WDPCP: variants seen among roughly 807,000 people sequenced by gnomAD.
WDPCP encodes WD repeat containing planar cell polarity effector, also known as WD repeat-containing and planar cell polarity effector protein fritz homolog.
In WDPCP, 71 loss-of-function variants were observed where a neutral mutation model predicts 93.1. The ratio of observed to expected loss-of-function variants is 0.76; its 90% CI spans 0.63 to 0.93. The LOEUF is 0.93. Ranked by LOEUF, WDPCP falls within the 40% of genes least tolerant of loss-of-function variation. The pLI, the probability that WDPCP is intolerant of heterozygous loss-of-function variation, is 0.00. For synonymous variants in WDPCP, 315 were observed against 315.0 expected, an observed-to-expected ratio of 1.00 and a Z score of 0.00; for missense variants, 844 against 887.4, an observed-to-expected ratio of 0.95 and a Z score of 0.62.
At chr2:63,324,829 G>A (rs1687405361) in intron 12 of WDPCP, among the ~76,000 whole-genome samples, 1 of 152,162 alleles carries the variant, frequency 6.6e-6, no homozygotes, top group Admixed American at 6.5e-5. Context: ...GTTCTAGAAG[G>A]ACTAAGGAGA....
At chr2:63,389,338 TAAAC>T (rs1693018211) in intron 10 of WDPCP, among the ~76,000 whole-genome samples, 1 of 152,064 alleles carries the variant, frequency 6.6e-6, no homozygotes, top group South Asian at 2.1e-4. Context: ...CCTTTACAGA[TAAAC>T]AAATGCTGAG....
chr2:63,404,365 A>AGCAC lies in WDPCP; in HGVS notation c.1117_1118insGTGC (p.Leu373CysfsTer6). On this transcript the variant is annotated frameshift_variant, in exon 10 of 18. Coordinates refer to ENST00000272321, the MANE Select transcript of WDPCP (RefSeq NM_015910.7). LOFTEE classifies it high-confidence loss of function. The stretch of plus-strand genomic sequence containing the variant: ...TGAAGGCAAAAGTTCAGTCTGTGCT[A>AGCAC]AGAGAGTCACTCTACGGTGAGTTTC... 1 of 1,614,196 alleles carries AGCAC rather than the reference A, an allele frequency of 6.2e-7. No homozygotes were observed. Among genetic ancestry groups the AGCAC allele is most frequent in the Non-Finnish European group, 8.5e-7 (1 of 1,180,022 alleles).
At chr2:63,569,841 A>G (rs1707351792) in intron 1 of WDPCP, among the ~76,000 whole-genome samples, 1 of 152,230 alleles carries the variant, frequency 6.6e-6, no homozygotes, top group African/African-American at 2.4e-5. Context: ...AGAAAGGACT[A>G]TCTGACTATA....
At chr2:63,253,122 G>A (rs147523935) in intron 14 of WDPCP, among the ~76,000 whole-genome samples, 1 of 152,030 alleles carries the variant, frequency 6.6e-6, no homozygotes, top group East Asian at 1.9e-4. Flanking sequence ...ACATCTACAG[G>A]CATCTGATCT....
At chr2:63,796,810 T>A (rs1670624377) in intron 2 of WDPCP, among the ~76,000 whole-genome samples, 1 of 152,172 alleles carries the variant, frequency 6.6e-6, no homozygotes, top group South Asian at 2.1e-4. Flanking sequence ...CGTGTTGTGC[T>A]GGGCTTGGAG....
intron 14 of WDPCP, among the ~76,000 whole-genome samples, chr2:63,212,646 T>C (rs1676928223): frequency 6.6e-6 from 1 of 152,086 alleles, no homozygotes. Flanking sequence ...ATGGACTAAA[T>C]GCCCCAATTA....
intron 12 of WDPCP, among the ~76,000 whole-genome samples, chr2:63,341,088 A>T (rs1041569593): frequency 1.3e-5 from 2 of 152,104 alleles, no homozygotes; most frequent in African/African-American, 4.8e-5. Flanking sequence ...TTCTACTCTG[A>T]CAGAAACTGT....
At position 63,745,497 on chromosome 2, in the gene WDPCP, G is replaced by T. The variant is rs76373419; in HGVS notation, n.308+68125C>A. Among the ~76,000 whole-genome samples the T allele has an allele frequency of 7.2e-3, 1,091 of 152,282 alleles. 7 individuals carry two copies. The highest frequency in any genetic ancestry group is 0.014 in the Middle Eastern group (4 of 294). On this transcript the variant is annotated intron_variant and non_coding_transcript_variant, in intron 2 of 4. Coordinates refer to the WDPCP transcript ENST00000467687. ...CATTCATAGTTTAGAACTCATAGTTGTTGGTTTTAGATATTTTTAATTAGA... is the reference window on the plus strand; with the variant it reads ...CATTCATAGTTTAGAACTCATAGTTTTTGGTTTTAGATATTTTTAATTAGA...
In WDPCP at chr2:63,121,820, G is replaced by A. The variant is rs907706769; in HGVS notation, c.*186C>T. The A allele has an allele frequency of 2.2e-6, 3 of 1,373,640 alleles. No homozygotes were observed. Among genetic ancestry groups the A allele is most frequent in the Admixed American group, 6.2e-5 (2 of 32,462 alleles). 85.1% of individuals were successfully genotyped at this position (1,373,640 alleles called of 1,614,324 possible). A position where few individuals can be genotyped will look rare whatever the true frequency, so the allele number is the denominator to read the frequency against. On this transcript the variant is annotated 3_prime_UTR_variant, in exon 18 of 18. Transcript: ENST00000272321. ...GACTTTTACTTACGATCACTTTGCTGTTATGCTGCATGTTTTTGAAATAAT... is the reference window on the plus strand; with the variant it reads ...GACTTTTACTTACGATCACTTTGCTATTATGCTGCATGTTTTTGAAATAAT...
rs1558551084 is a variant in WDPCP, at chr2:63,383,480, C to CAAGA, written c.1436-1387_1436-1386insTCTT. On this transcript the variant is annotated intron_variant, in intron 10 of 17. Coordinates refer to ENST00000272321, the MANE Select transcript of WDPCP (RefSeq NM_015910.7). The stretch of plus-strand genomic sequence containing the variant: ...CAGTAATCTGAGCACTATGGAAGGC[C>CAAGA]AAGGCAGGCAGATCACTTGAGGTCA... Among the ~76,000 whole-genome samples, 3 of 152,158 alleles carry CAAGA rather than the reference C, an allele frequency of 2.0e-5. No homozygotes were observed. In the East Asian group the frequency reaches 5.8e-4, roughly 29 times the overall value.
At chr2:63,345,062 C>A in intron 12 of WDPCP, among the ~76,000 whole-genome samples, 1 of 152,174 alleles carries the variant, frequency 6.6e-6, no homozygotes, top group Non-Finnish European at 1.5e-5. Context: ...TTAACAGTTG[C>A]TTCAGTGGAG....
intron 14 of WDPCP, among the ~76,000 whole-genome samples, chr2:63,249,026 C>G (rs1680507870): frequency 6.6e-6 from 1 of 151,904 alleles, no homozygotes; most frequent in Non-Finnish European, 1.5e-5. Context: ...TGTGCTTTCT[C>G]AGGTTTGATT....
chr2:63,152,481 A>G (rs1261105290), intron 17 of WDPCP, among the ~76,000 whole-genome samples: 1 of 152,074 alleles, frequency 6.6e-6, no homozygotes, highest in African/African-American at 2.4e-5. Context: ...CATGTTGGCC[A>G]GGCTGGTCTC....
At chr2:63,609,728 C>T (rs1178270135) in intron 3 of WDPCP, among the ~76,000 whole-genome samples, 3 of 152,140 alleles carry the variant, frequency 2.0e-5, no homozygotes, top group East Asian at 3.9e-4. Context: ...AAAAATTAGC[C>T]AGGCATGGTG....
At chr2:63,693,497 A>C (rs1345067532) in intron 2 of WDPCP, among the ~76,000 whole-genome samples, 3 of 147,422 alleles carry the variant, frequency 2.0e-5, no homozygotes, top group Admixed American at 6.9e-5. Flanking sequence ...AATTTAATGG[A>C]GGTGGTGGGA....
chr2:63,142,597 T>C (rs1671155748), intron 17 of WDPCP, among the ~76,000 whole-genome samples: 1 of 152,120 alleles, frequency 6.6e-6, no homozygotes, highest in African/African-American at 2.4e-5. Flanking sequence ...CTGTGTGTTC[T>C]GTGGTTGTTG....
At chr2:63,807,665 A>T (rs1299673264) in intron 2 of WDPCP, among the ~76,000 whole-genome samples, 1 of 152,254 alleles carries the variant, frequency 6.6e-6, no homozygotes, top group Non-Finnish European at 1.5e-5. Flanking sequence ...CAAAAAAGTT[A>T]ATAAATTTAA....
At chr2:63,716,361 GCTCCT>G in intron 2 of WDPCP, among the ~76,000 whole-genome samples, 1 of 152,200 alleles carries the variant, frequency 6.6e-6, no homozygotes, top group East Asian at 1.9e-4. Context: ...ATTGCAGTAA[GCTCCT>G]CCCTACCCCA....
At chr2:63,823,714 C>A (rs1002466248) in intron 1 of WDPCP, among the ~76,000 whole-genome samples, 5 of 152,056 alleles carry the variant, frequency 3.3e-5, no homozygotes, top group Admixed American at 2.0e-4. Context: ...ACACCAGTAA[C>A]CTTTAAGGGA....
Sources: allele counts gnomAD v4.1 joint callset (sites outside exome capture counted in the v4.1 genomes callset), GRCh38; gene constraint gnomAD v4.1.1; transcripts MANE v1.5; gene names NCBI Gene and HGNC (gene_info 2026-07-23, HGNC 2026-07-21).